Variants in CD44 observed in about 807,000 individuals in gnomAD.
CD44 encodes CD44 antigen.
CD44 carries 49 observed loss-of-function variants against 88.8 expected under a neutral mutation model. That is an observed-to-expected ratio of 0.55 (90% CI 0.44 to 0.70). The LOEUF (loss-of-function observed/expected upper bound fraction) is 0.70. CD44 is among the 30% of genes least tolerant of loss of function. The pLI is 0.00. For synonymous variants in CD44, 325 were observed against 312.3 expected, an observed-to-expected ratio of 1.04 and a Z score of -0.43; for missense variants, 883 against 913.8, an observed-to-expected ratio of 0.97 and a Z score of 0.43.
At chr11:35,197,000 A>G (rs1946822847) in intron 6 of CD44, 126 bp downstream of exon 6, 1 of 896,522 alleles carries the variant, frequency 1.1e-6, no homozygotes, top group Non-Finnish European at 1.7e-6. Flanking sequence ...TTATGACTTC[A>G]GAAGGATCAT....
At chr11:35,209,164 T>C (rs1948167552) in intron 12 of CD44, among the ~76,000 whole-genome samples, 1 of 152,144 alleles carries the variant, frequency 6.6e-6, no homozygotes. Context: ...CTTATGGGTG[T>C]GCTTTATGAA....
rs776274622 is a variant in CD44, at chr11:35,139,307, G to A, written c.4G>A (p.Asp2Asn). The change falls in exon 1 of 18, where the codon GAC (aspartate) becomes AAC (asparagine). Residue 2 changes from aspartate to asparagine, a missense_variant. Coordinates refer to ENST00000428726, the MANE Select transcript of CD44 (RefSeq NM_000610.4). ...CCCTCCGTTCGCTCCGGACACCATG[G>A]ACAAGTTTTGGTGGCACGCAGCCTG... M[D>N]KFWWHAAWGL... 18 of 1,560,680 alleles carry A rather than the reference G, an allele frequency of 1.2e-5. 1 individual carries two copies. In the South Asian group the frequency reaches 2.1e-4, roughly 18 times the overall value.
intron 1 of CD44, among the ~76,000 whole-genome samples, chr11:35,148,469 C>A (rs965745286): frequency 6.6e-6 from 1 of 152,232 alleles, no homozygotes; most frequent in African/African-American, 2.4e-5. Flanking sequence ...GGATCCTCTG[C>A]AGTGAGACTA....
chr11:35,181,881 TAATTC>T (rs375953127), intron 3 of CD44, among the ~76,000 whole-genome samples: 1 of 66,124 alleles, frequency 1.5e-5, no homozygotes, highest in Non-Finnish European at 2.7e-5. Flanking sequence ...ATATTATATA[TAATTC>T]TATATATAAT....
chr11:35,186,543 C>T (rs1320602354), intron 3 of CD44, among the ~76,000 whole-genome samples: 4 of 152,140 alleles, frequency 2.6e-5, no homozygotes, highest in Non-Finnish European at 2.9e-5. Flanking sequence ...ATTGTACCCC[C>T]AGGCTTCCAC....
At chr11:35,142,025 A>G (rs1218254970) in intron 1 of CD44, among the ~76,000 whole-genome samples, 1 of 152,142 alleles carries the variant, frequency 6.6e-6, no homozygotes, top group Non-Finnish European at 1.5e-5. Flanking sequence ...GGCCAAATGT[A>G]GTTAAGTGAC....
intron 17 of CD44, chr11:35,222,848 C>T: frequency 1.0e-6 from 1 of 985,226 alleles, no homozygotes; most frequent in Non-Finnish European, 1.2e-6. Flanking sequence ...AGCAGGACCA[C>T]CTTTATTGTG....
chr11:35,209,676 A>G (rs922044597), intron 12 of CD44, among the ~76,000 whole-genome samples: 1 of 152,150 alleles, frequency 6.6e-6, no homozygotes, highest in African/African-American at 2.4e-5. Flanking sequence ...CAATGCTGCA[A>G]TTGAGCCTGG....
intron 1 of CD44, among the ~76,000 whole-genome samples, chr11:35,153,324 C>T (rs866460089): frequency 6.6e-6 from 1 of 152,124 alleles, no homozygotes; most frequent in Non-Finnish European, 1.5e-5. Context: ...TGGGAAATGG[C>T]GTAGGTGTTT....
At chr11:35,157,443 TTATC>T (rs1464308796) in intron 1 of CD44, among the ~76,000 whole-genome samples, 1 of 152,176 alleles carries the variant, frequency 6.6e-6, no homozygotes, top group Non-Finnish European at 1.5e-5. Context: ...ATCTCTATCT[TTATC>T]TATTTATATC....
intron 14 of CD44, among the ~76,000 whole-genome samples, chr11:35,212,288 A>G (rs930923362): frequency 1.3e-5 from 2 of 152,204 alleles, no homozygotes; most frequent in African/African-American, 4.8e-5. Flanking sequence ...TTGTAACACA[A>G]TCACTAGGCA....
In CD44 at chr11:35,204,570, T is replaced by C; in HGVS notation, c.1212T>C (p.Phe404=). The C allele has an allele frequency of 6.2e-7, 1 of 1,613,348 alleles. No homozygotes were observed. The highest frequency in any genetic ancestry group is 8.5e-7 in the Non-Finnish European group (1 of 1,179,372). ...EETATQKEQW[F]GNRWHEGYRQ... Reference sequence around the variant, plus strand: ...CAGCTACCCAGAAGGAACAGTGGTTTGGCAACAGATGGCATGAGGGATATC... The same window carrying C: ...CAGCTACCCAGAAGGAACAGTGGTTCGGCAACAGATGGCATGAGGGATATC... The change falls in exon 10 of 18, where the codon TTT becomes TTC. Residue 404 remains phenylalanine, a synonymous_variant. Transcript: ENST00000428726.
rs75523402 is a variant in CD44 at position 35,183,206 on chromosome 11, T to C, written c.367+2799T>C. Reference sequence around the variant, plus strand: ...ATGGCTACTTTTGTAAGTTTTTATTTAAGTTTAAAGGGAATATTTATTGAT... The same window carrying C: ...ATGGCTACTTTTGTAAGTTTTTATTCAAGTTTAAAGGGAATATTTATTGAT... On this transcript the variant is annotated intron_variant, in intron 3 of 17. Transcript: ENST00000428726. Among the ~76,000 whole-genome samples the C allele has an allele frequency of 2.8e-4, 42 of 152,262 alleles. No individual in the cohort carries two copies. The East Asian group carries it at 6.6e-3, about 24-fold the overall frequency.
intron 1 of CD44, among the ~76,000 whole-genome samples, chr11:35,169,331 G>A (rs931735347): frequency 2.6e-5 from 4 of 151,940 alleles, no homozygotes; most frequent in African/African-American, 4.8e-5. Flanking sequence ...AGACCTTGAA[G>A]ATAATAATTT....
At chr11:35,180,536 G>A (rs905973127) in intron 3 of CD44, 129 bp downstream of exon 3, 3 of 979,506 alleles carry the variant, frequency 3.1e-6, no homozygotes, top group Non-Finnish European at 1.6e-6. Flanking sequence ...CTGTACAGCA[G>A]AGCCAACATT....
intron 1 of CD44, among the ~76,000 whole-genome samples, chr11:35,171,841 C>CA (rs112643797): frequency 1.1e-3 from 159 of 138,454 alleles, no homozygotes; most frequent in Admixed American, 2.8e-3. Flanking sequence ...GATTAAGTAA[C>CA]AAAAAAAAAA....
chr11:35,144,604 T>C (rs1315138333), intron 1 of CD44, among the ~76,000 whole-genome samples: 1 of 152,188 alleles, frequency 6.6e-6, no homozygotes, highest in Non-Finnish European at 1.5e-5. Flanking sequence ...CAAGCCCAAC[T>C]TGCCAGAGTA....
chr11:35,160,686 C>G (rs1333025026), intron 1 of CD44, among the ~76,000 whole-genome samples: 1 of 152,188 alleles, frequency 6.6e-6, no homozygotes, highest in African/African-American at 2.4e-5. Context: ...GTACTCACAG[C>G]TTATCAGTAA....
intron 1 of CD44, among the ~76,000 whole-genome samples, chr11:35,144,353 G>A (rs1263962426): frequency 6.6e-6 from 1 of 152,246 alleles, no homozygotes; most frequent in Non-Finnish European, 1.5e-5. Flanking sequence ...CAGGCACCGT[G>A]TAGTTTTCAA....
Sources: allele counts gnomAD v4.1 joint callset (sites outside exome capture counted in the v4.1 genomes callset), GRCh38; gene constraint gnomAD v4.1.1; transcripts MANE v1.5; gene names NCBI Gene and HGNC (gene_info 2026-07-23, HGNC 2026-07-21).